The following ERMP1 variants were observed in gnomAD, a reference collection of about 807,000 sequenced individuals.
ERMP1 encodes the protein endoplasmic reticulum metallopeptidase 1.
A neutral mutation model predicts 92.0 loss-of-function variants in ERMP1; 86 were observed. The ratio of observed to expected loss-of-function variants is 0.93; its 90% CI spans 0.79 to 1.12. ERMP1 has a LOEUF of 1.12. Among genes scored for constraint, ERMP1 ranks in the 50% most tolerant of loss-of-function variants. The pLI is 0.00. For missense variants in ERMP1, 1,342 were observed against 1,116.3 expected (o/e 1.20, Z -2.88); for synonymous variants, 530 against 412.8 (o/e 1.28, Z -3.44).
chr9:5,798,667 G>T, intron 12 of ERMP1, 139 bp downstream of exon 12: 12 of 474,708 alleles, frequency 2.5e-5, no homozygotes, highest in African/African-American at 4.1e-5. Context: ...AAAAAAAAAA[G>T]TTTCATAATG....
At position 5,814,468 on chromosome 9, in the gene ERMP1, T is replaced by G. The variant is rs564045711; in HGVS notation, c.875-1433A>C. Reference sequence around the variant, plus strand: ...ATTTTAAAAAATGACCAAGGCTGGGTGCAGTGGCTCACGCATATAATCCCA... The same window carrying G: ...ATTTTAAAAAATGACCAAGGCTGGGGGCAGTGGCTCACGCATATAATCCCA... On this transcript the variant is annotated intron_variant, in intron 4 of 14. Coordinates refer to ENST00000339450, the MANE Select transcript of ERMP1 (RefSeq NM_024896.3). Among the ~76,000 whole-genome samples the G allele has an allele frequency of 1.4e-4, 21 of 152,306 alleles. No homozygotes were observed. The South Asian group carries it at 3.5e-3, about 26-fold the overall frequency.
At chr9:5,816,579 G>C (rs1314070080) in intron 4 of ERMP1, among the ~76,000 whole-genome samples, 1 of 152,116 alleles carries the variant, frequency 6.6e-6, no homozygotes, top group Non-Finnish European at 1.5e-5. Context: ...ATCTACCAAA[G>C]CTGAACATAT....
intron 2 of ERMP1, among the ~76,000 whole-genome samples, chr9:5,830,506 G>A (rs1405234887): frequency 6.6e-6 from 1 of 152,124 alleles, no homozygotes; most frequent in Non-Finnish European, 1.5e-5. Flanking sequence ...TGGGCTGCTG[G>A]CATTAACACC....
At chr9:5,825,312 A>T in intron 2 of ERMP1, 93 bp from the exon 3 acceptor site, 1 of 1,253,324 alleles carries the variant, frequency 8.0e-7, no homozygotes, top group East Asian at 2.5e-5. Context: ...TCCTCAGAGA[A>T]GCATCACAAT....
rs1829330853 is a variant in ERMP1 at position 5,816,905 on chromosome 9, T to C, written c.875-3870A>G. On this transcript the variant is annotated intron_variant, in intron 4 of 14. Coordinates refer to ENST00000339450, the MANE Select transcript of ERMP1 (RefSeq NM_024896.3). ...CTAACTACAGAGCCTATGCTTTTTTTTTTTTTTTTTGGTGACAGAGTCTCG... is the reference window on the plus strand; with the variant it reads ...CTAACTACAGAGCCTATGCTTTTTTCTTTTTTTTTTGGTGACAGAGTCTCG... Among the ~76,000 whole-genome samples, 4 of 151,680 alleles carry C rather than the reference T, an allele frequency of 2.6e-5. No individual in the cohort carries two copies. In the South Asian group the frequency reaches 8.4e-4, roughly 32 times the overall value.
intron 2 of ERMP1, 48 bp from the exon 3 acceptor site, chr9:5,825,267 C>G: frequency 6.4e-7 from 1 of 1,569,110 alleles, no homozygotes; most frequent in Non-Finnish European, 8.6e-7. Context: ...AAAATGTTTA[C>G]AATATGACCC....
intron 8 of ERMP1, among the ~76,000 whole-genome samples, 181 bp from the exon 9 acceptor site, chr9:5,805,966 A>G (rs898327142): frequency 6.6e-6 from 1 of 152,204 alleles, no homozygotes; most frequent in Non-Finnish European, 1.5e-5. Flanking sequence ...GAAGTAGTAA[A>G]TTCAAATGTA....
intron 13 of ERMP1, among the ~76,000 whole-genome samples, chr9:5,793,968 C>G (rs1432873564): frequency 6.6e-6 from 1 of 151,968 alleles, no homozygotes; most frequent in East Asian, 1.9e-4. Context: ...CTTCTTCCAA[C>G]AGCAACAGTA....
chr9:5,830,725 A>C lies in ERMP1; in HGVS notation c.640+2T>G. The C allele has an allele frequency of 6.2e-7, 1 of 1,609,228 alleles. No homozygotes were observed. Among genetic ancestry groups the C allele is most frequent in the African/African-American group, 1.3e-5 (1 of 74,756 alleles). Reference sequence around the variant, plus strand: ...CCAAATGACTAAAAAACAGGTACATACCTGGTGAGTTTGCTACTGAGTCAA... The same window carrying C: ...CCAAATGACTAAAAAACAGGTACATCCCTGGTGAGTTTGCTACTGAGTCAA... On this transcript the variant is annotated splice_donor_variant, in intron 2 of 14. Coordinates refer to ENST00000339450, the MANE Select transcript of ERMP1 (RefSeq NM_024896.3). LOFTEE classifies it high-confidence loss of function.
chr9:5,815,476 C>A (rs1829265655), intron 4 of ERMP1, among the ~76,000 whole-genome samples: 1 of 110,044 alleles, frequency 9.1e-6, no homozygotes. Flanking sequence ...AATTAAAATA[C>A]ATAAAGTACT....
At position 5,811,197 on chromosome 9, in the gene ERMP1, G is replaced by C. The variant is rs573494515; in HGVS notation, c.1241C>G (p.Ser414Cys). Residue 414 changes from serine to cysteine, a missense_variant, in exon 7 of 15, where the codon TCT (serine) becomes TGT (cysteine). By Grantham distance (112) the Ser-to-Cys change is moderately radical. Transcript: ENST00000339450. ...VLGLFVIAYP[S>C]RIGSIINYMV... ...GTAGTTTATGATTGAGCCAATACGA[G>C]AGGGGTAGGCAATGACAAACAGGCC... 4 of 1,614,018 alleles carry C rather than the reference G, an allele frequency of 2.5e-6. No homozygotes were observed. The highest frequency in any genetic ancestry group is 2.7e-5 in the African/African-American group (2 of 74,988).
chr9:5,856,407 TG>T, intron 6 of ERMP1: 1 of 176,014 alleles, frequency 5.7e-6, no homozygotes, highest in Non-Finnish European at 1.2e-5. Context: ...GATGACCATG[TG>T]CAGGAGTTTG....
chr9:5,863,407 T>C (rs910086038), intron 5 of ERMP1, among the ~76,000 whole-genome samples: 2 of 152,194 alleles, frequency 1.3e-5, no homozygotes, highest in Non-Finnish European at 2.9e-5. Flanking sequence ...AGTTTCCCAT[T>C]ACTCCTTGCA....
chr9:5,810,977 A>G (rs1829067914), intron 7 of ERMP1, 134 bp downstream of exon 7: 3 of 581,686 alleles, frequency 5.2e-6, no homozygotes, highest in African/African-American at 1.9e-5. Flanking sequence ...ATATTTAAAA[A>G]TTTCTTACAA....
intron 6 of ERMP1, among the ~76,000 whole-genome samples, chr9:5,850,656 C>G (rs1830298739): frequency 6.6e-6 from 1 of 152,068 alleles, no homozygotes; most frequent in Non-Finnish European, 1.5e-5. Context: ...AAAACAACAA[C>G]AACAAAAAAT....
chr9:5,790,941 C>A (rs1828166460), intron 13 of ERMP1, among the ~76,000 whole-genome samples: 1 of 152,136 alleles, frequency 6.6e-6, no homozygotes, highest in Non-Finnish European at 1.5e-5. Context: ...CCAAAACTAA[C>A]TGAACTGTGT....
In ERMP1 at chr9:5,798,952, T is replaced by C; in HGVS notation, c.2124A>G (p.Gly708=). The C allele has an allele frequency of 1.2e-6, 2 of 1,613,690 alleles. No individual in the cohort carries two copies. Among genetic ancestry groups the C allele is most frequent in the Non-Finnish European group, 1.7e-6 (2 of 1,179,680 alleles). The stretch of plus-strand genomic sequence containing the variant: ...TATAATCAAACCCATTGATCCATAT[T>C]CCAGAGTCCCGTTTAACTGCATTTC... ...LEGNAVKRDS[G]IWINGFDYTG... Residue 708 remains glycine (G), a synonymous_variant, in exon 12 of 15, where the codon GGA becomes GGG. Coordinates refer to ENST00000339450, the MANE Select transcript of ERMP1 (RefSeq NM_024896.3).
chr9:5,816,879 T>C (rs1477771330), intron 4 of ERMP1, among the ~76,000 whole-genome samples: 4 of 151,336 alleles, frequency 2.6e-5, no homozygotes, highest in Non-Finnish European at 5.9e-5. Context: ...CCTTAGATCA[T>C]CTAACTACAG....
intron 2 of ERMP1, 85 bp downstream of exon 2, chr9:5,830,642 C>G (rs1385224609): frequency 9.1e-7 from 1 of 1,095,984 alleles, no homozygotes; most frequent in African/African-American, 1.6e-5. Context: ...AAATGGTCCC[C>G]ACAATTGCCC....
Sources: allele counts gnomAD v4.1 joint callset (sites outside exome capture counted in the v4.1 genomes callset), GRCh38; gene constraint gnomAD v4.1.1; transcripts MANE v1.5; gene names NCBI Gene and HGNC (gene_info 2026-07-23, HGNC 2026-07-21).